The following AGO4 variants were observed in gnomAD, a reference collection of about 807,000 sequenced individuals.
AGO4 encodes the protein protein argonaute-4.
Under a neutral mutation model 104.7 loss-of-function variants are expected in AGO4, and 33 were observed. The observed-to-expected ratio is 0.32, with a 90% CI of 0.24 to 0.42. AGO4 has a LOEUF of 0.42. Ranked by LOEUF, AGO4 falls within the 10% of genes least tolerant of loss-of-function variation. The pLI is 1.00. For synonymous variants in AGO4, 331 were observed against 364.7 expected, an observed-to-expected ratio of 0.91 and a Z score of 1.05; for missense variants, 711 against 1,083.4, an observed-to-expected ratio of 0.66 and a Z score of 4.83.
intron 13 of AGO4, among the ~76,000 whole-genome samples, chr1:35,836,352 C>T (rs1644313382): frequency 1.3e-5 from 2 of 152,210 alleles, no homozygotes; most frequent in Non-Finnish European, 2.9e-5. Context: ...TGTTGTTGCA[C>T]TTGGGAGTAG....
At chr1:35,851,440 G>C (rs3820276) in intron 17 of AGO4, among the ~76,000 whole-genome samples, 21,474 of 152,142 alleles carry the variant, frequency 0.14, 3,498 homozygotes, top group East Asian at 0.7. Flanking sequence ...AGTTCACTTT[G>C]CTTTTGGTAC....
At chr1:35,838,185 T>C (rs1644359569) in intron 13 of AGO4, among the ~76,000 whole-genome samples, 1 of 152,150 alleles carries the variant, frequency 6.6e-6, no homozygotes, top group African/African-American at 2.4e-5. Flanking sequence ...CCCGAGTAGC[T>C]GGAATTACAG....
At chr1:35,848,609 T>G (rs1644629436) in intron 15 of AGO4, among the ~76,000 whole-genome samples, 1 of 150,280 alleles carries the variant, frequency 6.7e-6, no homozygotes, top group South Asian at 2.1e-4. Context: ...GCATCACCTC[T>G]TCAGGCTGTC....
intron 12 of AGO4, 28 bp downstream of exon 12, chr1:35,834,202 G>A (rs763579334): frequency 1.4e-6 from 2 of 1,478,642 alleles, no homozygotes; most frequent in East Asian, 2.5e-5. Flanking sequence ...GCTGAATGAG[G>A]GATGATTTCA....
At position 35,836,661 on chromosome 1, in the gene AGO4, G is replaced by A. The variant is rs201286837; in HGVS notation, c.1724+668G>A. Among the ~76,000 whole-genome samples the A allele has an allele frequency of 3.4e-4, 51 of 152,196 alleles. No individual in the cohort carries two copies. The East Asian group carries it at 9.1e-3, about 27-fold the overall frequency. On this transcript the variant is annotated intron_variant, in intron 13 of 17. Coordinates refer to ENST00000373210, the MANE Select transcript of AGO4 (RefSeq NM_017629.4). ...CCTGACCTTGTGATCCGCCCGTCTC[G>A]GCCTCCCAAAGTGCTGGGATTACAG...
intron 15 of AGO4, among the ~76,000 whole-genome samples, chr1:35,843,622 C>G (rs1403792924): frequency 1.3e-5 from 2 of 151,734 alleles, no homozygotes; most frequent in African/African-American, 4.8e-5. Flanking sequence ...TAGACCAGCA[C>G]ATGTCAAATA....
chr1:35,818,768 T>C (rs1643813677), intron 2 of AGO4, among the ~76,000 whole-genome samples: 1 of 151,434 alleles, frequency 6.6e-6, no homozygotes, highest in Non-Finnish European at 1.5e-5. Flanking sequence ...TGATAGGAGA[T>C]GAGGTTGGAG....
rs768689823 is a variant in AGO4 at position 35,850,252 on chromosome 1, A to T, written c.2271A>T (p.Gly757=). ...ACTTTTACCTCTGTAGTCATGCAGG[A>T]ATTCAGGTAATTTGGAAGCTGGTTC... is the stretch of plus-strand genomic sequence containing the variant. ...EFDFYLCSHA[G]IQGTSRPSHY... Residue 757 remains glycine (G), a synonymous_variant, in exon 16 of 18, where the codon GGA becomes GGT. Coordinates refer to ENST00000373210, the MANE Select transcript of AGO4 (RefSeq NM_017629.4). 33 of 1,612,160 alleles carry T rather than the reference A, an allele frequency of 2.0e-5. No homozygotes were observed. In the African/African-American group the frequency reaches 4.3e-4, roughly 21 times the overall value.
chr1:35,853,793 A>T lies in AGO4; in HGVS notation c.*188A>T. ...GTCAACAAAATTGAGCCATTTTTTT[A>T]AAGTAATAGATACTAATAGATTATC... On this transcript the variant is annotated 3_prime_UTR_variant, in exon 18 of 18. Coordinates refer to ENST00000373210, the MANE Select transcript of AGO4 (RefSeq NM_017629.4). 6.0e-6 allele frequency: 3 copies of T among 499,698 alleles called. No homozygotes were observed. The highest frequency in any genetic ancestry group is 1.1e-5 in the Non-Finnish European group (3 of 276,482). 31.0% of individuals were successfully genotyped at this position (499,698 alleles called of 1,614,324 possible).
chr1:35,827,209 TTAATAAA>T (rs1644045391), intron 7 of AGO4, among the ~76,000 whole-genome samples: 1 of 148,720 alleles, frequency 6.7e-6, no homozygotes, highest in Non-Finnish European at 1.5e-5. Context: ...TCAAAAAAAA[TTAATAAA>T]TAAAAAGAAA....
intron 17 of AGO4, among the ~76,000 whole-genome samples, 194 bp from the exon 18 acceptor site, chr1:35,853,303 C>G (rs553664513): frequency 5.5e-4 from 82 of 148,818 alleles, no homozygotes; most frequent in Non-Finnish European, 9.2e-4. Flanking sequence ...TTTAGAAGGA[C>G]ATAACAAATT....
intron 3 of AGO4, among the ~76,000 whole-genome samples, chr1:35,823,650 C>T (rs1382048954): frequency 1.3e-5 from 2 of 151,736 alleles, no homozygotes; most frequent in Non-Finnish European, 1.5e-5. Flanking sequence ...AGGCTGGTCT[C>T]GAACTCCTGA....
chr1:35,849,474 GGAGTTT>G (rs1470164230), intron 15 of AGO4, among the ~76,000 whole-genome samples: 7 of 149,396 alleles, frequency 4.7e-5, no homozygotes, highest in Non-Finnish European at 3.0e-5. Context: ...CTTGAGCCCA[GGAGTTT>G]GAGTCCAGCC....
intron 12 of AGO4, among the ~76,000 whole-genome samples, chr1:35,835,118 C>T (rs1644279580): frequency 7.0e-6 from 1 of 143,108 alleles, no homozygotes; most frequent in South Asian, 2.2e-4. Flanking sequence ...TCAAGTGATT[C>T]TCCTGCCTCA....
chr1:35,829,374 A>C (rs1644120490), intron 7 of AGO4, among the ~76,000 whole-genome samples: 1 of 152,100 alleles, frequency 6.6e-6, no homozygotes, highest in East Asian at 1.9e-4. Context: ...GCATTTGTTC[A>C]AGAACTGTGC....
At chr1:35,829,880 C>T (rs1644135822) in intron 7 of AGO4, among the ~76,000 whole-genome samples, 1 of 134,920 alleles carries the variant, frequency 7.4e-6, no homozygotes, top group Non-Finnish European at 1.6e-5. Flanking sequence ...AAGATTAAAA[C>T]CCGGCATGGT....
At chr1:35,844,572 C>T (rs569440275) in intron 15 of AGO4, among the ~76,000 whole-genome samples, 15 of 152,230 alleles carry the variant, frequency 9.9e-5, no homozygotes, top group Middle Eastern at 6.8e-3. Flanking sequence ...ATTTTCTCAG[C>T]TGCCTCTCCT....
rs1372731842 is a variant in AGO4 at position 35,855,368 on chromosome 1, C to T, written c.*1763C>T. On this transcript the variant is annotated 3_prime_UTR_variant, in exon 18 of 18. Transcript: ENST00000373210. ...TCCAAATCTCATAAACTAGCCTTCTCAAAATCCCAGCAATATAAAGCACTG... is the reference window on the plus strand; with the variant it reads ...TCCAAATCTCATAAACTAGCCTTCTTAAAATCCCAGCAATATAAAGCACTG... The T allele has an allele frequency of 6.6e-6, 1 of 152,618 alleles. No individual in the cohort carries two copies. 9.5% of individuals were successfully genotyped at this position (152,618 alleles called of 1,614,324 possible). A position where few individuals can be genotyped will look rare whatever the true frequency, so the allele number is the denominator to read the frequency against.
At chr1:35,819,849 G>A (rs1197797133) in intron 2 of AGO4, among the ~76,000 whole-genome samples, 3 of 151,728 alleles carry the variant, frequency 2.0e-5, no homozygotes, top group Non-Finnish European at 4.4e-5. Context: ...TTGGATTCAG[G>A]GAACAGTTCG....
Sources: gnomAD v4.1 joint callset for allele counts (sites outside exome capture counted in the v4.1 genomes callset) on GRCh38, gnomAD v4.1.1 for gene constraint, MANE v1.5 for transcripts, NCBI Gene and HGNC (gene_info 2026-07-23, HGNC 2026-07-21) for gene names.